DENND1B: variants seen among roughly 807,000 people sequenced by gnomAD.
DENND1B encodes DENN domain-containing protein 1B.
A neutral mutation model predicts 90.1 loss-of-function variants in DENND1B; 59 were observed. The ratio of observed to expected loss-of-function variants is 0.65; its 90% CI spans 0.53 to 0.81. DENND1B has a LOEUF of 0.81. Among genes scored for constraint, DENND1B ranks in the 40% least tolerant of loss-of-function variants. The pLI is 0.00. For synonymous variants in DENND1B, 337 were observed against 324.6 expected (o/e 1.04, Z -0.41); for missense variants, 862 against 912.6 (o/e 0.94, Z 0.71).
At chr1:197,689,623 C>T (rs1657637658) in intron 3 of DENND1B, 2 of 177,124 alleles carry the variant, frequency 1.1e-5, no homozygotes, top group Non-Finnish European at 2.5e-5. Flanking sequence ...CACCGAGTCA[C>T]CCTACAGCCA....
intron 11 of DENND1B, among the ~76,000 whole-genome samples, chr1:197,614,108 C>A (rs968459572): frequency 6.7e-6 from 1 of 149,044 alleles, no homozygotes; most frequent in Admixed American, 6.7e-5. Context: ...GGAAGATATA[C>A]TTATCTTCAG....
chr1:197,717,655 T>C (rs1211120842), intron 2 of DENND1B, among the ~76,000 whole-genome samples: 2 of 151,974 alleles, frequency 1.3e-5, no homozygotes, highest in Non-Finnish European at 2.9e-5. Context: ...TTGCACATCA[T>C]CAACATAAGG....
chr1:197,767,508 C>A (rs1451173224), intron 2 of DENND1B, among the ~76,000 whole-genome samples: 2 of 152,010 alleles, frequency 1.3e-5, no homozygotes, highest in East Asian at 1.9e-4. Flanking sequence ...TAATTTGAGA[C>A]TGGGTTGGAT....
At chr1:197,526,752 C>T (rs1669161499) in intron 20 of DENND1B, among the ~76,000 whole-genome samples, 1 of 152,046 alleles carries the variant, frequency 6.6e-6, no homozygotes, top group Non-Finnish European at 1.5e-5. Context: ...CAGAGCTAAA[C>T]ATTTTAAAAA....
At chr1:197,693,205 C>T (rs1459309588) in intron 3 of DENND1B, among the ~76,000 whole-genome samples, 2 of 151,748 alleles carry the variant, frequency 1.3e-5, no homozygotes, top group East Asian at 3.9e-4. Context: ...AAGGATATAG[C>T]TGTATGTTAC....
At chr1:197,728,047 T>C (rs557309619) in intron 2 of DENND1B, among the ~76,000 whole-genome samples, 18 of 152,322 alleles carry the variant, frequency 1.2e-4, no homozygotes, top group African/African-American at 4.1e-4. Context: ...GAAATTCTAT[T>C]TCCCATTGTT....
rs898746539 is a variant in DENND1B, at chr1:197,552,792, G to A, written c.1240+230C>T. 5 of 1,294,310 alleles carry A rather than the reference G, an allele frequency of 3.9e-6. No homozygotes were observed. The African/African-American group carries it at 4.7e-5, about 12-fold the overall frequency. 80.2% of individuals were successfully genotyped at this position (1,294,310 alleles called of 1,614,324 possible). On this transcript the variant is annotated intron_variant, in intron 16 of 22. Transcript: ENST00000620048. ...TTTCCAGCAATATTAAGAGATTATC[G>A]AGGCCAACAGCTGCCAATTCAGGAG...
chr1:197,613,762 A>G (rs911019543), intron 11 of DENND1B, among the ~76,000 whole-genome samples: 1 of 150,988 alleles, frequency 6.6e-6, no homozygotes, highest in Non-Finnish European at 1.5e-5. Context: ...TATGTTCAAA[A>G]TAGCATAAAA....
intron 7 of DENND1B, among the ~76,000 whole-genome samples, chr1:197,649,719 C>G (rs951937558): frequency 6.6e-6 from 1 of 152,160 alleles, no homozygotes; most frequent in African/African-American, 2.4e-5. Flanking sequence ...AAAAGCAACT[C>G]AAGATTGATC....
intron 3 of DENND1B, among the ~76,000 whole-genome samples, chr1:197,682,764 T>C (rs898751103): frequency 6.6e-6 from 1 of 152,074 alleles, no homozygotes; most frequent in Non-Finnish European, 1.5e-5. Context: ...GGAAAACATA[T>C]GTGCAAAGAA....
chr1:197,698,518 T>C (rs1460937017), intron 3 of DENND1B, among the ~76,000 whole-genome samples: 5 of 150,292 alleles, frequency 3.3e-5, no homozygotes, highest in Non-Finnish European at 7.4e-5. Context: ...AGAAGCAAGA[T>C]CAAACTAATC....
intron 2 of DENND1B, among the ~76,000 whole-genome samples, chr1:197,755,920 C>T (rs934429664): frequency 6.6e-6 from 1 of 152,160 alleles, no homozygotes; most frequent in African/African-American, 2.4e-5. Flanking sequence ...CCTCCCACAA[C>T]ATGTGGGAAT....
intron 3 of DENND1B, among the ~76,000 whole-genome samples, chr1:197,714,125 C>T (rs1407487644): frequency 1.0e-4 from 15 of 150,088 alleles, no homozygotes; most frequent in African/African-American, 1.7e-4. Flanking sequence ...TACAGGCGCA[C>T]GCCACCACAC....
intron 15 of DENND1B, among the ~76,000 whole-genome samples, chr1:197,578,214 A>G (rs1444323038): frequency 1.3e-5 from 2 of 151,608 alleles, no homozygotes; most frequent in Non-Finnish European, 2.9e-5. Flanking sequence ...CAAAATTGCT[A>G]AAAGAGTAGG....
intron 5 of DENND1B, among the ~76,000 whole-genome samples, chr1:197,667,648 C>T (rs568592508): frequency 6.6e-6 from 1 of 152,204 alleles, no homozygotes; most frequent in Admixed American, 6.5e-5. Flanking sequence ...ATCCGCCCGC[C>T]TCGGCCTCCC....
chr1:197,561,233 GTC>G (rs1444770335), intron 15 of DENND1B, among the ~76,000 whole-genome samples: 3 of 151,764 alleles, frequency 2.0e-5, no homozygotes, highest in Non-Finnish European at 2.9e-5. Flanking sequence ...CACAATTTCT[GTC>G]TCACCACGTC....
intron 2 of DENND1B, chr1:197,747,250 C>T (rs1652825813): frequency 1.6e-6 from 1 of 644,284 alleles, no homozygotes; most frequent in African/African-American, 1.8e-5. Context: ...TCCAGAAGGA[C>T]ACTCTTCATA....
intron 3 of DENND1B, among the ~76,000 whole-genome samples, chr1:197,678,280 T>G (rs987672819): frequency 6.6e-6 from 1 of 152,210 alleles, no homozygotes; most frequent in Non-Finnish European, 1.5e-5. Context: ...TCAAATATTA[T>G]GTTTATACTA....
chr1:197,588,645 A>AT (rs1674921711), intron 14 of DENND1B, among the ~76,000 whole-genome samples: 3 of 152,060 alleles, frequency 2.0e-5, no homozygotes, highest in Non-Finnish European at 4.4e-5. Context: ...TATCTGAAAG[A>AT]CTCTGCTGTC....
Sources: allele counts gnomAD v4.1 joint callset (sites outside exome capture counted in the v4.1 genomes callset), GRCh38; gene constraint gnomAD v4.1.1; transcripts MANE v1.5; gene names NCBI Gene and HGNC (gene_info 2026-07-23, HGNC 2026-07-21).